Variants in TC2N observed in about 807,000 individuals in gnomAD.
TC2N encodes tandem C2 domains, nuclear.
In TC2N, 51 loss-of-function variants were observed where a neutral mutation model predicts 61.9. That is an observed-to-expected ratio of 0.82 (90% CI 0.66 to 1.04). The LOEUF (loss-of-function observed/expected upper bound fraction) is 1.04. Among genes scored for constraint, TC2N ranks in the 50% least tolerant of loss-of-function variants. The pLI, the probability that TC2N is intolerant of heterozygous loss-of-function variation, is 0.00. For missense variants in TC2N, 556 were observed against 566.7 expected (o/e 0.98, Z 0.19); for synonymous variants, 204 against 192.6 (o/e 1.06, Z -0.49).
intron 1 of TC2N, among the ~76,000 whole-genome samples, chr14:91,828,690 G>C (rs1299495371): frequency 6.6e-6 from 1 of 151,936 alleles, no homozygotes; most frequent in Non-Finnish European, 1.5e-5. Context: ...ACCCAATAGA[G>C]TTTATCATAA....
rs79953222 is a variant in TC2N at position 91,862,485 on chromosome 14, T to A, written c.-57+4777A>T. On this transcript the variant is annotated intron_variant, in intron 1 of 11. Transcript: ENST00000435962. ...CCTCAGCCGTCAACAGGTTTGTTGG[T>A]CTTTGTTGAACCAGCAAAGGAGCGG... Among the ~76,000 whole-genome samples, 541 of 152,330 alleles carry A rather than the reference T, an allele frequency of 3.6e-3. 29 individuals are homozygous for A. The East Asian group carries it at 0.091, about 26-fold the overall frequency.
chr14:91,866,708 C>T (rs143106703), intron 1 of TC2N: 1 of 152,404 alleles, frequency 6.6e-6, no homozygotes, highest in African/African-American at 2.4e-5. Context: ...GGAATAGGCA[C>T]AGGGAGCCTG....
At chr14:91,816,931 T>C (rs1217961022) in intron 1 of TC2N, among the ~76,000 whole-genome samples, 1 of 151,936 alleles carries the variant, frequency 6.6e-6, no homozygotes, top group Non-Finnish European at 1.5e-5. Context: ...TATCATGTTA[T>C]AACATGTAGC....
At chr14:91,843,616 T>G (rs1376805083) in intron 1 of TC2N, among the ~76,000 whole-genome samples, 2 of 152,256 alleles carry the variant, frequency 1.3e-5, no homozygotes, top group Non-Finnish European at 2.9e-5. Context: ...ATTTGTAACT[T>G]CTGCTTTCAT....
chr14:91,829,226 C>G (rs898969677), intron 1 of TC2N, among the ~76,000 whole-genome samples: 23 of 152,058 alleles, frequency 1.5e-4, no homozygotes, highest in African/African-American at 5.5e-4. Flanking sequence ...CTGAAAAATT[C>G]TCATTCATTA....
chr14:91,853,194 C>A (rs1002490435), intron 1 of TC2N, among the ~76,000 whole-genome samples: 2 of 152,172 alleles, frequency 1.3e-5, no homozygotes, highest in Non-Finnish European at 2.9e-5. Context: ...ATGACATGAA[C>A]TGATTTCACC....
intron 1 of TC2N, among the ~76,000 whole-genome samples, chr14:91,822,871 C>T (rs1005090124): frequency 1.7e-4 from 26 of 151,864 alleles, no homozygotes; most frequent in Non-Finnish European, 1.8e-4. Context: ...CCCACCACCA[C>T]GCATGGCTAA....
intron 1 of TC2N, among the ~76,000 whole-genome samples, chr14:91,829,366 A>G (rs1421019978): frequency 1.3e-5 from 2 of 151,844 alleles, no homozygotes; most frequent in African/African-American, 4.8e-5. Flanking sequence ...CACCTCTTTT[A>G]TATTTTCCAT....
intron 1 of TC2N, among the ~76,000 whole-genome samples, chr14:91,850,010 T>C (rs1055609169): frequency 2.7e-5 from 4 of 148,574 alleles, no homozygotes; most frequent in Admixed American, 6.8e-5. Context: ...AATCACACCA[T>C]TGCATGCCAG....
At chr14:91,836,144 A>C (rs947676224) in intron 1 of TC2N, 1 of 152,518 alleles carries the variant, frequency 6.6e-6, no homozygotes, top group Admixed American at 6.5e-5. Context: ...CCCCATTTTA[A>C]AGAAAGTTAA....
intron 1 of TC2N, among the ~76,000 whole-genome samples, chr14:91,851,022 C>T (rs1434895106): frequency 6.6e-6 from 1 of 152,156 alleles, no homozygotes; most frequent in Non-Finnish European, 1.5e-5. Flanking sequence ...AGAAAACAAG[C>T]TCAGGGCTCC....
chr14:91,786,018 C>T (rs1366827818), intron 10 of TC2N, among the ~76,000 whole-genome samples: 2 of 152,028 alleles, frequency 1.3e-5, no homozygotes, highest in African/African-American at 4.8e-5. Context: ...ACAGTGCCTA[C>T]AGCTCAAGCA....
At chr14:91,791,176 AGGAGGGGAGGGGAGG>A (rs148456708) in intron 9 of TC2N, among the ~76,000 whole-genome samples, 1 of 66,810 alleles carries the variant, frequency 1.5e-5, no homozygotes, top group African/African-American at 6.6e-5. Context: ...GGGAAGGGAA[AGGAGGGGAGGGGAGG>A]GGAGGGGAGG....
At position 91,792,575 on chromosome 14, in the gene TC2N, G is replaced by C. The variant is rs1167476787; in HGVS notation, c.856-17C>G. On this transcript the variant is annotated splice_polypyrimidine_tract_variant and intron_variant, in intron 8 of 11. Coordinates refer to ENST00000435962, the MANE Select transcript of TC2N (RefSeq NM_001128596.3). ...TTCAATAGCCTTAAAAAAAAAACAA[G>C]AAAACATAAAATATATAAATAAAAG... The C allele has an allele frequency of 7.7e-7, 1 of 1,303,312 alleles. No homozygotes were observed. Among genetic ancestry groups the C allele is most frequent in the African/African-American group, 1.5e-5 (1 of 66,500 alleles). 80.7% of individuals were successfully genotyped at this position (1,303,312 alleles called of 1,614,324 possible).
chr14:91,791,250 TC>T (rs1310292946), intron 9 of TC2N, among the ~76,000 whole-genome samples: 2 of 150,752 alleles, frequency 1.3e-5, no homozygotes, highest in Admixed American at 1.3e-4. Flanking sequence ...GATACATGTT[TC>T]TGCCCCATAT....
chr14:91,815,228 A>G (rs1886955666), intron 1 of TC2N, among the ~76,000 whole-genome samples: 1 of 151,564 alleles, frequency 6.6e-6, no homozygotes, highest in African/African-American at 2.4e-5. Context: ...TTCAAGCAAA[A>G]GTTAAAAGAA....
In TC2N at chr14:91,858,960, A is replaced by C. The variant is rs549328918; in HGVS notation, c.-57+8302T>G. 2.0e-5 allele frequency among the ~76,000 whole-genome samples: 3 copies of C among 152,276 alleles called. No individual in the cohort carries two copies. In the South Asian group the frequency reaches 6.2e-4, roughly 32 times the overall value. Reference sequence around the variant, plus strand: ...CAAGAGGGAAGCCCAGCCCAGCCAAAACAAAAGCAGAAAACAGCCAAACGA... The same window carrying C: ...CAAGAGGGAAGCCCAGCCCAGCCAACACAAAAGCAGAAAACAGCCAAACGA... On this transcript the variant is annotated intron_variant, in intron 1 of 11. Transcript: ENST00000435962.
intron 1 of TC2N, among the ~76,000 whole-genome samples, chr14:91,862,804 T>C (rs1018112052): frequency 6.6e-6 from 1 of 152,206 alleles, no homozygotes; most frequent in African/African-American, 2.4e-5. Context: ...GCTTTTATGG[T>C]GAAAAATGAT....
At chr14:91,842,455 C>T (rs988546684) in intron 1 of TC2N, among the ~76,000 whole-genome samples, 2 of 152,206 alleles carry the variant, frequency 1.3e-5, no homozygotes, top group African/African-American at 2.4e-5. Context: ...TTCAGCTTTT[C>T]GAGCTTAGAA....
Sources: allele counts gnomAD v4.1 joint callset (sites outside exome capture counted in the v4.1 genomes callset), GRCh38; gene constraint gnomAD v4.1.1; transcripts MANE v1.5; gene names NCBI Gene and HGNC (gene_info 2026-07-23, HGNC 2026-07-21).